The following FHIP2B variants were observed in gnomAD, a reference collection of about 807,000 sequenced individuals.
The protein encoded by FHIP2B is FHF complex subunit HOOK interacting protein 2B, also known as FHF complex subunit HOOK-interacting protein 2B.
Under a neutral mutation model 84.0 loss-of-function variants are expected in FHIP2B, and 72 were observed. The observed-to-expected ratio is 0.86, with a 90% confidence interval of 0.71 to 1.04. The LOEUF is 1.04. Ranked by LOEUF, FHIP2B falls within the 50% of genes least tolerant of loss-of-function variation. The pLI is 0.00. For missense variants in FHIP2B, 972 were observed against 968.9 expected (o/e 1.00, Z -0.04); for synonymous variants, 497 against 418.7 (o/e 1.19, Z -2.28).
At chr8:22,091,392 C>A (rs945972445) in intron 1 of FHIP2B, among the ~76,000 whole-genome samples, 3 of 151,970 alleles carry the variant, frequency 2.0e-5, no homozygotes, top group African/African-American at 7.3e-5. Flanking sequence ...TACAGGGCTG[C>A]GCCACCACGC....
Position 22,103,084 on chromosome 8 carries a change from G to C in FHIP2B, c.*153G>C, listed in dbSNP as rs1325127147. On this transcript the variant is annotated 3_prime_UTR_variant, in exon 17 of 17. Coordinates refer to ENST00000289921, the MANE Select transcript of FHIP2B (RefSeq NM_022749.7). Reference sequence around the variant, plus strand: ...CGGCATGTTGACCACACCAGACTGGGTTTCAGGGAATGGGCATGCCAGGTG... The same window carrying C: ...CGGCATGTTGACCACACCAGACTGGCTTTCAGGGAATGGGCATGCCAGGTG... 3 of 1,037,292 alleles carry C rather than the reference G, an allele frequency of 2.9e-6. No homozygotes were observed. The highest frequency in any genetic ancestry group is 4.1e-6 in the Non-Finnish European group (3 of 735,584). The allele number at this position is 1,037,292 out of a possible 1,614,324, so 64.3% of individuals were successfully genotyped here.
intron 9 of FHIP2B, 111 bp downstream of exon 9, chr8:22,099,471 G>T: frequency 8.0e-7 from 1 of 1,248,324 alleles, no homozygotes; most frequent in Non-Finnish European, 1.1e-6. Flanking sequence ...AATCCCATTT[G>T]TGGACCCCAT....
intron 4 of FHIP2B, 48 bp downstream of exon 4, chr8:22,097,668 C>A: frequency 6.2e-7 from 1 of 1,606,916 alleles, no homozygotes; most frequent in Non-Finnish European, 8.5e-7. Flanking sequence ...GGCCCCCTCT[C>A]TCCCCTGCCA....
rs1826193069 is a variant in FHIP2B, at chr8:22,102,628, A to G, written c.2093A>G (p.Gln698Arg). The G allele has an allele frequency of 1.9e-6, 3 of 1,562,906 alleles. No homozygotes were observed. The East Asian group carries it at 7.2e-5, about 37-fold the overall frequency. ...KQLTGQAPGE[Q>R]LDHQTLLQGV... ...TTGACGGGCCAGGCTCCTGGGGAGC[A>G]GTGAGTACCAAGGGTGCCAGGTGAA... The change falls in exon 16 of 17, where the codon CAG (glutamine) becomes CGG (arginine). Residue 698 changes from glutamine to arginine, a missense_variant and splice_region_variant. Gln to Arg is a conservative substitution (Grantham distance 43, BLOSUM62 1). Transcript: ENST00000289921.
intron 1 of FHIP2B, among the ~76,000 whole-genome samples, chr8:22,090,847 G>C (rs372334451): frequency 6.6e-6 from 1 of 151,946 alleles, no homozygotes; most frequent in Non-Finnish European, 1.5e-5. Context: ...CTGGTCTTGA[G>C]CTCCTGGCCT....
At position 22,097,013 on chromosome 8, in the gene FHIP2B, C is replaced by T. The variant is rs370667928; in HGVS notation, c.298-503C>T. On this transcript the variant is annotated intron_variant, in intron 3 of 16. Transcript: ENST00000289921. ...GAACTGTTATCGTGAGACCGCACTC[C>T]TGCCTAGGAGGCAGAGCAAGACACT... 18 of 176,656 alleles carry T rather than the reference C, an allele frequency of 1.0e-4. No homozygotes were observed. The South Asian group carries it at 2.7e-3, about 26-fold the overall frequency. The allele number at this position is 176,656 out of a possible 1,614,324, so 10.9% of individuals were successfully genotyped here. A position where few individuals can be genotyped will look rare whatever the true frequency, so the allele number is the denominator to read the frequency against.
At chr8:22,102,698 C>G in intron 16 of FHIP2B, 70 bp downstream of exon 16, 1 of 1,589,060 alleles carries the variant, frequency 6.3e-7, no homozygotes. Context: ...GGAGAGGTGG[C>G]TGGCCACAGG....
Position 22,100,642 on chromosome 8 carries a change from C to T in FHIP2B, c.1390C>T (p.His464Tyr). ...GTTTGAGGAGCTGCTGCAGAAGCCC[C>T]ACGAGGGGATCATCCACAGCCTGGT... Reference protein sequence around the residue: ...RLFEELLQKPHEGIIHSLVLR... With the variant: ...RLFEELLQKPYEGIIHSLVLR... The change falls in exon 11 of 17, where the codon CAC (histidine) becomes TAC (tyrosine). Residue 464 changes from histidine to tyrosine, a missense_variant. Transcript: ENST00000289921. The T allele has an allele frequency of 1.9e-6, 3 of 1,599,534 alleles. No individual in the cohort carries two copies. Among genetic ancestry groups the T allele is most frequent in the Non-Finnish European group, 2.6e-6 (3 of 1,172,450 alleles).
At chr8:22,093,512 A>G (rs6994191) in intron 1 of FHIP2B, among the ~76,000 whole-genome samples, 150,510 of 152,146 alleles carry the variant, frequency 0.99, 74,468 homozygotes, top group East Asian at 1. Context: ...GGAAACGAGA[A>G]CAGCACTGGC....
chr8:22,102,747 A>G (rs935944505), intron 16 of FHIP2B, 46 bp from the exon 17 acceptor site: 1 of 1,607,246 alleles, frequency 6.2e-7, no homozygotes, highest in Non-Finnish European at 8.5e-7. Flanking sequence ...TGCTGGGCAC[A>G]GTCCTGCCCC....
intron 10 of FHIP2B, chr8:22,100,182 C>G: frequency 4.6e-6 from 2 of 434,260 alleles, no homozygotes; most frequent in Non-Finnish European, 8.1e-6. Context: ...GATCCTCTCA[C>G]CTCAGCCTCC....
intron 1 of FHIP2B, among the ~76,000 whole-genome samples, chr8:22,093,163 C>G (rs935555953): frequency 2.0e-4 from 31 of 152,170 alleles, no homozygotes; most frequent in African/African-American, 7.0e-4. Context: ...TGGGGACTTT[C>G]ACGATCCAGA....
At position 22,104,540 on chromosome 8, in the gene FHIP2B, T is replaced by A. The variant is rs952115154; in HGVS notation, c.*1609T>A. 50 of 152,110 alleles carry A rather than the reference T, an allele frequency of 3.3e-4. No individual in the cohort carries two copies. Among genetic ancestry groups the A allele is most frequent in the African/African-American group, 1.2e-3 (48 of 41,404 alleles). 9.4% of individuals were successfully genotyped at this position (152,110 alleles called of 1,614,324 possible). On this transcript the variant is annotated 3_prime_UTR_variant, in exon 17 of 17. Transcript: ENST00000289921. ...AACAGACAGGCTCTGGCAGTGCAGATCTGCTGATCCTCAGCGCCTGCCAGG... is the reference window on the plus strand; with the variant it reads ...AACAGACAGGCTCTGGCAGTGCAGAACTGCTGATCCTCAGCGCCTGCCAGG...
intron 2 of FHIP2B, chr8:22,094,771 T>C (rs1825676487): frequency 7.7e-7 from 1 of 1,297,440 alleles, no homozygotes; most frequent in South Asian, 1.8e-5. Flanking sequence ...AGTAGCCTGG[T>C]TGGGGGTCTC....
At chr8:22,096,098 A>C in intron 2 of FHIP2B, 1 of 426,508 alleles carries the variant, frequency 2.3e-6, no homozygotes, top group East Asian at 4.3e-5. Context: ...GCCCCCTGAT[A>C]AAGGGCTGGG....
chr8:22,100,443 C>T (rs1826040629), intron 10 of FHIP2B, 151 bp from the exon 11 acceptor site: 2 of 794,374 alleles, frequency 2.5e-6, no homozygotes, highest in East Asian at 6.5e-5. Flanking sequence ...CCCACACCCC[C>T]CAACTACCCC....
chr8:22,101,959 C>T (rs1826143643), intron 14 of FHIP2B, 108 bp downstream of exon 14: 2 of 1,511,138 alleles, frequency 1.3e-6, no homozygotes, highest in South Asian at 2.6e-5. Flanking sequence ...TTGGTGCCAC[C>T]CCTGTCCTTT....
Position 22,098,448 on chromosome 8 carries a change from A to T in FHIP2B, c.794A>T (p.Gln265Leu), listed in dbSNP as rs201631142. The change falls in exon 7 of 17, where the codon CAG becomes CTG. Residue 265 changes from glutamine to leucine, a missense_variant. Transcript: ENST00000289921. ...SKKSRVALKA[Q>L]ENLLLLVSMA... ...AAGAGTCGGGTGGCCTTGAAGGCCC[A>T]GGAGAACCTGCTGCTCCTGGTGAGC... 8.5e-5 allele frequency: 136 copies of T among 1,603,806 alleles called. No individual in the cohort carries two copies. The highest frequency in any genetic ancestry group is 9.6e-5 in the Non-Finnish European group (113 of 1,173,250).
chr8:22,091,356 G>GC (rs1054262040), intron 1 of FHIP2B, among the ~76,000 whole-genome samples: 97 of 148,950 alleles, frequency 6.5e-4, no homozygotes, highest in African/African-American at 2.3e-3. Flanking sequence ...TGGTTCTCCT[G>GC]CCTCAGCCTC....
Sources: allele counts gnomAD v4.1 joint callset (sites outside exome capture counted in the v4.1 genomes callset), GRCh38; gene constraint gnomAD v4.1.1; transcripts MANE v1.5; gene names NCBI Gene and HGNC (gene_info 2026-07-23, HGNC 2026-07-21).